Variants in DNAI3 observed in about 807,000 individuals in gnomAD.
DNAI3 encodes WD repeat domain 63.
Under a neutral mutation model 115.5 loss-of-function variants are expected in DNAI3, and 83 were observed. That is an observed-to-expected ratio of 0.72 (90% CI 0.60 to 0.86). DNAI3 has a LOEUF of 0.86. Ranked by LOEUF, DNAI3 falls within the 40% of genes least tolerant of loss-of-function variation. The pLI is 0.00. For missense variants in DNAI3, 1,004 were observed against 1,075.8 expected, an observed-to-expected ratio of 0.93 and a Z score of 0.93; for synonymous variants, 320 against 347.0, an observed-to-expected ratio of 0.92 and a Z score of 0.86.
At chr1:85,116,417 C>T (rs1655817576) in intron 16 of DNAI3, among the ~76,000 whole-genome samples, 3 of 152,168 alleles carry the variant, frequency 2.0e-5, no homozygotes, top group Admixed American at 2.0e-4. Flanking sequence ...TCTTGTCTCC[C>T]CTTGTGAGAC....
At position 85,093,491 on chromosome 1, in the gene DNAI3, G is replaced by C. The variant is rs761912893; in HGVS notation, c.891G>C (p.Met297Ile). Residue 297 changes from methionine (M) to isoleucine (I), a missense_variant, in exon 9 of 23, where the codon ATG becomes ATC. Physicochemically the swap from Met to Ile is conservative, Grantham distance 10. Transcript: ENST00000294664. ...TAGCCCTGCAGCAAAATGAAATCAT[G>C]AACACATTTATTGATGACTGGAAAT... is the stretch of plus-strand genomic sequence containing the variant. ...VEIALQQNEIMNTFIDDWKYL... is the reference protein window; with the variant it reads ...VEIALQQNEIINTFIDDWKYL... The C allele has an allele frequency of 5.0e-6, 8 of 1,614,020 alleles. No homozygotes were observed. In the South Asian group the frequency reaches 8.8e-5, roughly 18 times the overall value.
chr1:85,082,887 C>T (rs1282087105), intron 5 of DNAI3, among the ~76,000 whole-genome samples: 3 of 152,120 alleles, frequency 2.0e-5, no homozygotes, highest in Admixed American at 6.5e-5. Context: ...TCTGGAGTAC[C>T]GCTTTCCTTG....
At position 85,110,154 on chromosome 1, in the gene DNAI3, T is replaced by TAA; in HGVS notation, c.1786+19_1786+20insAA. On this transcript the variant is annotated intron_variant, in intron 16 of 22. Coordinates refer to ENST00000294664, the MANE Select transcript of DNAI3 (RefSeq NM_145172.5). Reference sequence around the variant, plus strand: ...ACACAAGGTAACTGCCTTTGCTTATTTAAAAAAAAAAAAAAGGCCGGGCGC... The same window carrying TAA: ...ACACAAGGTAACTGCCTTTGCTTATTAATAAAAAAAAAAAAAAGGCCGGGCGC... 1 of 1,597,032 alleles carries TAA rather than the reference T, an allele frequency of 6.3e-7. No individual in the cohort carries two copies.
intron 22 of DNAI3, among the ~76,000 whole-genome samples, chr1:85,131,519 A>T (rs1209539526): frequency 6.6e-6 from 1 of 151,944 alleles, no homozygotes; most frequent in Non-Finnish European, 1.5e-5. Context: ...ATAAATTAAC[A>T]TTATCACTCA....
chr1:85,107,521 A>G (rs1362678614), intron 14 of DNAI3, among the ~76,000 whole-genome samples: 1 of 152,216 alleles, frequency 6.6e-6, no homozygotes, highest in East Asian at 1.9e-4. Context: ...AATGTCCAGC[A>G]TAGTAAAATC....
In DNAI3 at chr1:85,117,890, ATACT is replaced by A. The variant is rs750007711; in HGVS notation, c.1917+34_1917+37del. ...TTGGGATTATCTGCTTTTAAAATTAATACTTATTTATACTAAAATATGTTATTAC... is the reference window on the plus strand; with the variant it reads ...TTGGGATTATCTGCTTTTAAAATTAATATTTATACTAAAATATGTTATTAC... On this transcript the variant is annotated intron_variant, in intron 17 of 22. Coordinates refer to ENST00000294664, the MANE Select transcript of DNAI3 (RefSeq NM_145172.5). 12 of 1,597,446 alleles carry A rather than the reference ATACT, an allele frequency of 7.5e-6. No homozygotes were observed. In the Admixed American group the frequency reaches 1.3e-4, roughly 18 times the overall value.
intron 8 of DNAI3, among the ~76,000 whole-genome samples, 193 bp from the exon 9 acceptor site, chr1:85,093,265 G>A (rs1006720694): frequency 6.6e-6 from 1 of 152,188 alleles, no homozygotes; most frequent in Non-Finnish European, 1.5e-5. Flanking sequence ...GAGGTTCTGA[G>A]TAACATGCCA....
chr1:85,122,944 G>C (rs1245838748), intron 18 of DNAI3, among the ~76,000 whole-genome samples: 3 of 152,124 alleles, frequency 2.0e-5, no homozygotes, highest in Non-Finnish European at 4.4e-5. Context: ...TGAGTAAAGA[G>C]ACCAGAGAAG....
At chr1:85,131,404 A>G (rs1252957436) in intron 22 of DNAI3, among the ~76,000 whole-genome samples, 1 of 136,364 alleles carries the variant, frequency 7.3e-6, no homozygotes, top group Non-Finnish European at 1.5e-5. Context: ...AGATTGTGCC[A>G]TTGCACTCCA....
chr1:85,081,551 TG>T (rs1654632989), intron 4 of DNAI3, 136 bp downstream of exon 4: 1 of 652,076 alleles, frequency 1.5e-6, no homozygotes, highest in African/African-American at 1.9e-5. Flanking sequence ...CACCCCTCCT[TG>T]GGAATCCTGT....
At chr1:85,079,967 T>G (rs2100564871) in intron 3 of DNAI3, among the ~76,000 whole-genome samples, 2 of 152,046 alleles carry the variant, frequency 1.3e-5, no homozygotes. Context: ...ACAGTAAGTT[T>G]GACTGTGAAA....
rs1444171218 is a variant in DNAI3 at position 85,084,536 on chromosome 1, T to G, written c.391-10T>G. The G allele has an allele frequency of 7.2e-7, 1 of 1,394,814 alleles. No homozygotes were observed. The highest frequency in any genetic ancestry group is 1.5e-5 in the African/African-American group (1 of 67,522). The allele number at this position is 1,394,814 out of a possible 1,614,324, so 86.4% of individuals were successfully genotyped here. A position where few individuals can be genotyped will look rare whatever the true frequency, so the allele number is the denominator to read the frequency against. On this transcript the variant is annotated splice_polypyrimidine_tract_variant and intron_variant, in intron 5 of 22. Transcript: ENST00000294664. ...GCATACATTGTAGAATGCTATTTAT[T>G]TTACTTTAGCCCCCAGAAGTACCAG...
rs181248952 is a variant in DNAI3, at chr1:85,122,029, G to C, written c.1981+215G>C. Among the ~76,000 whole-genome samples the C allele has an allele frequency of 1.6e-4, 25 of 152,276 alleles. No individual in the cohort carries two copies. The East Asian group carries it at 4.8e-3, about 29-fold the overall frequency. On this transcript the variant is annotated intron_variant, in intron 18 of 22. Transcript: ENST00000294664. ...CATAAAAATCTTAGATCCTACGCCA[G>C]GCCTTCTGAATTGGAATCTGGATTT...
chr1:85,119,525 A>G (rs1655927261), intron 17 of DNAI3, among the ~76,000 whole-genome samples: 2 of 152,224 alleles, frequency 1.3e-5, no homozygotes, highest in African/African-American at 4.8e-5. Context: ...ATCTTAAAGC[A>G]GAAATTAAAG....
At position 85,108,022 on chromosome 1, in the gene DNAI3, A is replaced by T. The variant is rs201472424; in HGVS notation, c.1554-11A>T. 1.3e-6 allele frequency: 2 copies of T among 1,504,812 alleles called. No homozygotes were observed. Among genetic ancestry groups the T allele is most frequent in the Non-Finnish European group, 1.8e-6 (2 of 1,131,166 alleles). The allele number at this position is 1,504,812 out of a possible 1,614,324, so 93.2% of individuals were successfully genotyped here. On this transcript the variant is annotated splice_polypyrimidine_tract_variant and intron_variant, in intron 14 of 22. Transcript: ENST00000294664. ...TGTACTTAATAAAAAATATATATAA[A>T]TTTTTTTTAGCACAATATGTTTTTG...
At chr1:85,123,770 G>A (rs1325790010) in intron 18 of DNAI3, among the ~76,000 whole-genome samples, 1 of 152,146 alleles carries the variant, frequency 6.6e-6, no homozygotes, top group Non-Finnish European at 1.5e-5. Context: ...GCAAAATCAT[G>A]TTTATTTACT....
Position 85,073,036 on chromosome 1 carries a change from C to A in DNAI3, c.65-18C>A. The A allele has an allele frequency of 6.8e-7, 1 of 1,478,862 alleles. No homozygotes were observed. The highest frequency in any genetic ancestry group is 9.1e-7 in the Non-Finnish European group (1 of 1,100,928). 91.6% of individuals were successfully genotyped at this position (1,478,862 alleles called of 1,614,324 possible). A position where few individuals can be genotyped will look rare whatever the true frequency, so the allele number is the denominator to read the frequency against. ...TGATTCAAAAATGTAAATTTGACTT[C>A]CTTTTATTATATTCTAGCTAGTGAA... On this transcript the variant is annotated intron_variant, in intron 2 of 22. Transcript: ENST00000294664.
At chr1:85,108,785 A>T (rs1655570454) in intron 15 of DNAI3, among the ~76,000 whole-genome samples, 2 of 152,080 alleles carry the variant, frequency 1.3e-5, no homozygotes, top group Non-Finnish European at 1.5e-5. Context: ...CTTCCCCCTT[A>T]CAAGTTATTT....
intron 9 of DNAI3, chr1:85,094,019 T>G: frequency 2.3e-6 from 1 of 427,316 alleles, no homozygotes; most frequent in Non-Finnish European, 4.5e-6. Flanking sequence ...AGAGAGGAAA[T>G]GTGCCTCCTT....
Sources: allele counts gnomAD v4.1 joint callset (sites outside exome capture counted in the v4.1 genomes callset), GRCh38; gene constraint gnomAD v4.1.1; transcripts MANE v1.5; gene names NCBI Gene and HGNC (gene_info 2026-07-23, HGNC 2026-07-21).